Variants in CNTNAP2 observed in about 807,000 individuals in gnomAD.
CNTNAP2 encodes the protein contactin associated protein 2.
In CNTNAP2, 98 loss-of-function variants were observed where a neutral mutation model predicts 155.2. The ratio of observed to expected loss-of-function variants is 0.63; its 90% CI spans 0.54 to 0.75. CNTNAP2 has a LOEUF of 0.75. Among genes scored for constraint, CNTNAP2 ranks in the 30% least tolerant of loss-of-function variants. CNTNAP2 has a pLI of 0.00. For synonymous variants in CNTNAP2, 651 were observed against 631.2 expected, an observed-to-expected ratio of 1.03 and a Z score of -0.47; for missense variants, 1,727 against 1,688.1, an observed-to-expected ratio of 1.02 and a Z score of -0.40.
At chr7:147,316,755 T>C (rs191215366) in intron 9 of CNTNAP2, among the ~76,000 whole-genome samples, 1 of 152,294 alleles carries the variant, frequency 6.6e-6, no homozygotes, top group East Asian at 1.9e-4. Flanking sequence ...CATCAATAAC[T>C]AGAAAATGCC....
intron 1 of CNTNAP2, among the ~76,000 whole-genome samples, chr7:146,765,598 A>T (rs1802180699): frequency 6.6e-6 from 1 of 152,196 alleles, no homozygotes; most frequent in Non-Finnish European, 1.5e-5. Flanking sequence ...TGGACACATC[A>T]GGCACCTGCC....
chr7:146,893,183 A>G (rs1402703962), intron 3 of CNTNAP2, among the ~76,000 whole-genome samples: 1 of 152,134 alleles, frequency 6.6e-6, no homozygotes, highest in Non-Finnish European at 1.5e-5. Flanking sequence ...CTTTCTACCT[A>G]AAACCAGTAT....
chr7:148,110,510 G>A (rs1422423539), intron 15 of CNTNAP2, among the ~76,000 whole-genome samples: 1 of 151,980 alleles, frequency 6.6e-6, no homozygotes, highest in Non-Finnish European at 1.5e-5. Context: ...CAGGTGGACT[G>A]TGACTTCAGT....
At chr7:146,757,349 A>G (rs529202118) in intron 1 of CNTNAP2, among the ~76,000 whole-genome samples, 3 of 152,248 alleles carry the variant, frequency 2.0e-5, no homozygotes, top group African/African-American at 7.2e-5. Context: ...ATTATTTTTC[A>G]TTGTTCTGCT....
Position 148,417,006 on chromosome 7 carries a change from T to TAAAC in CNTNAP2, c.*1392_*1395dup, listed in dbSNP as rs1325088166. On this transcript the variant is annotated 3_prime_UTR_variant, in exon 24 of 24. Transcript: ENST00000361727. ...GGACAATGCATCCAAAAAATCTTTT[T>TAAAC]AAACAGATTACACAAAAATTATTTC... 6.6e-6 allele frequency: 1 copy of TAAAC among 151,938 alleles called. No individual in the cohort carries two copies. Among genetic ancestry groups the TAAAC allele is most frequent in the African/African-American group, 2.4e-5 (1 of 41,196 alleles). 9.4% of individuals were successfully genotyped at this position (151,938 alleles called of 1,614,324 possible).
intron 1 of CNTNAP2, among the ~76,000 whole-genome samples, chr7:146,512,665 T>G (rs1255212609): frequency 6.6e-6 from 1 of 152,006 alleles, no homozygotes; most frequent in African/African-American, 2.4e-5. Context: ...TACTTGACTG[T>G]TTTAAATTTG....
Position 147,253,913 on chromosome 7 carries a change from C to G in CNTNAP2, c.1349-46228C>G, listed in dbSNP as rs562326006. ...AATCTTCTATGGCATCAGTCTTATT[C>G]CTATTTTAGTGACAAGGGCCCTCTT... On this transcript the variant is annotated intron_variant, in intron 8 of 23. Coordinates refer to ENST00000361727, the MANE Select transcript of CNTNAP2 (RefSeq NM_014141.6). 2.0e-5 allele frequency among the ~76,000 whole-genome samples: 3 copies of G among 152,304 alleles called. No homozygotes were observed. The South Asian group carries it at 6.2e-4, about 32-fold the overall frequency.
intron 9 of CNTNAP2, among the ~76,000 whole-genome samples, chr7:147,317,268 A>G (rs1363321366): frequency 1.3e-5 from 2 of 152,114 alleles, no homozygotes; most frequent in Non-Finnish European, 2.9e-5. Flanking sequence ...TCTATCTTCC[A>G]CTGACTTTGT....
chr7:148,203,089 T>C (rs1261266172), intron 18 of CNTNAP2, among the ~76,000 whole-genome samples: 4 of 152,224 alleles, frequency 2.6e-5, no homozygotes, highest in African/African-American at 9.6e-5. Flanking sequence ...TGCTTTTTAA[T>C]TATATTTTAT....
intron 9 of CNTNAP2, among the ~76,000 whole-genome samples, chr7:147,345,689 T>C (rs1795842032): frequency 6.7e-6 from 1 of 150,174 alleles, no homozygotes; most frequent in Non-Finnish European, 1.5e-5. Context: ...ATAGTTTTTT[T>C]CTGTTTCATT....
chr7:147,418,269 C>T (rs965787909), intron 10 of CNTNAP2, among the ~76,000 whole-genome samples: 41 of 152,244 alleles, frequency 2.7e-4, no homozygotes, highest in African/African-American at 7.9e-4. Context: ...GAAAGCACAG[C>T]TTTTACTGAG....
At chr7:147,895,265 C>A (rs546263934) in intron 13 of CNTNAP2, among the ~76,000 whole-genome samples, 3 of 152,102 alleles carry the variant, frequency 2.0e-5, no homozygotes, top group Non-Finnish European at 2.9e-5. Flanking sequence ...TGAGCCACCG[C>A]GCCCAGCTTA....
At chr7:147,396,008 C>T (rs1047285528) in intron 10 of CNTNAP2, among the ~76,000 whole-genome samples, 1 of 147,508 alleles carries the variant, frequency 6.8e-6, no homozygotes, top group Admixed American at 6.8e-5. Context: ...TCATATATAG[C>T]ATATATATGC....
chr7:147,145,004 A>G (rs1801672467), intron 8 of CNTNAP2, among the ~76,000 whole-genome samples: 1 of 152,194 alleles, frequency 6.6e-6, no homozygotes, highest in South Asian at 2.1e-4. Context: ...CGTTTGAATG[A>G]TTTAGAATAG....
intron 9 of CNTNAP2, among the ~76,000 whole-genome samples, chr7:147,319,115 T>C (rs1795294274): frequency 6.6e-6 from 1 of 152,154 alleles, no homozygotes; most frequent in Non-Finnish European, 1.5e-5. Context: ...GTTTCTTCTT[T>C]TTTGTCATTG....
At chr7:147,357,580 A>G (rs1220692585) in intron 9 of CNTNAP2, among the ~76,000 whole-genome samples, 1 of 152,018 alleles carries the variant, frequency 6.6e-6, no homozygotes, top group African/African-American at 2.4e-5. Context: ...GATGTTTCTT[A>G]GTCTTCTGCT....
rs1250136772 is a variant in CNTNAP2, at chr7:146,483,280, AAAATATATATATATATATATATAT to A, written c.98-290989_98-290966del. 5.0e-3 allele frequency among the ~76,000 whole-genome samples: 274 copies of A among 54,466 alleles called. 4 individuals are homozygous for A. The highest frequency in any genetic ancestry group is 8.6e-3 in the Middle Eastern group (1 of 116). 35.7% of individuals were successfully genotyped at this position (54,466 alleles called of 152,430 possible). On this transcript the variant is annotated intron_variant, in intron 1 of 23. Transcript: ENST00000361727. ...AACAGAGCAAGACTCCGTCTAAAAA[AAAATATATATATATATATATATAT>A]ATATATATATATATATATATATATA...
intron 1 of CNTNAP2, among the ~76,000 whole-genome samples, chr7:146,343,730 T>C (rs1794770734): frequency 1.3e-5 from 2 of 152,176 alleles, no homozygotes; most frequent in Non-Finnish European, 2.9e-5. Context: ...ATGTAAAATA[T>C]AGGATATTTC....
At chr7:147,565,421 A>G (rs1800151614) in intron 12 of CNTNAP2, among the ~76,000 whole-genome samples, 1 of 152,172 alleles carries the variant, frequency 6.6e-6, no homozygotes, top group Non-Finnish European at 1.5e-5. Context: ...GTCTATGGAA[A>G]GATTTTAAGC....
Sources: allele counts gnomAD v4.1 joint callset (sites outside exome capture counted in the v4.1 genomes callset), GRCh38; gene constraint gnomAD v4.1.1; transcripts MANE v1.5; gene names NCBI Gene and HGNC (gene_info 2026-07-23, HGNC 2026-07-21).